ZNHIT1: variants seen among roughly 807,000 people sequenced by gnomAD.
ZNHIT1 encodes zinc finger HIT domain-containing protein 1.
ZNHIT1 carries 20 observed loss-of-function variants against 21.4 expected under a neutral mutation model. That is an observed-to-expected ratio of 0.93 (90% CI 0.66 to 1.36). The LOEUF (loss-of-function observed/expected upper bound fraction) is 1.36, where lower values mean the gene tolerates loss of function less well. ZNHIT1 is among the 40% of genes most tolerant of loss of function. ZNHIT1 has a pLI of 0.00. For synonymous variants in ZNHIT1, 79 were observed against 84.0 expected, an observed-to-expected ratio of 0.94 and a Z score of 0.32; for missense variants, 170 against 213.5, an observed-to-expected ratio of 0.80 and a Z score of 1.27.
chr7:101,222,570 A>G (rs1255523662), intron 1 of ZNHIT1, 34 bp from the exon 2 acceptor site: 2 of 1,584,370 alleles, frequency 1.3e-6, no homozygotes, highest in Non-Finnish European at 1.7e-6. Context: ...CTTTCTTGGA[A>G]GCCCTGTAAC....
chr7:101,221,817 G>A (rs868672761), intron 1 of ZNHIT1: 20 of 152,214 alleles, frequency 1.3e-4, no homozygotes, highest in African/African-American at 4.8e-4. Context: ...CCGCCACAGG[G>A]TGGACAGGGC....
Position 101,218,182 on chromosome 7 carries a change from G to C in ZNHIT1, c.-14G>C, listed in dbSNP as rs747695222. On this transcript the variant is annotated 5_prime_UTR_variant, in exon 1 of 5. Coordinates refer to ENST00000305105, the MANE Select transcript of ZNHIT1 (RefSeq NM_006349.3). ...GCGTGCGCAGCAGTTTCTTCCGACA[G>C]TTGTGTTGTGCCAATGGTGGAGAAG... 6.2e-7 allele frequency: 1 copy of C among 1,612,904 alleles called. No homozygotes were observed. The highest frequency in any genetic ancestry group is 1.1e-5 in the South Asian group (1 of 91,036).
At chr7:101,223,456 C>T (rs758491643) in intron 2 of ZNHIT1, 21 bp from the exon 3 acceptor site, 33 of 1,613,300 alleles carry the variant, frequency 2.0e-5, no homozygotes, top group Admixed American at 6.7e-5. Flanking sequence ...TGCCAAGCAA[C>T]GGATCACCCT....
chr7:101,221,147 T>G (rs540451947), intron 1 of ZNHIT1: 1 of 144,222 alleles, frequency 6.9e-6, no homozygotes, highest in South Asian at 2.3e-4. Context: ...AGAAGCAGAC[T>G]TGGATGGGAA....
In ZNHIT1 at chr7:101,223,932, T is replaced by C; in HGVS notation, c.444-5T>C. 1 of 1,614,210 alleles carries C rather than the reference T, an allele frequency of 6.2e-7. No individual in the cohort carries two copies. The highest frequency in any genetic ancestry group is 8.5e-7 in the Non-Finnish European group (1 of 1,180,020). ...CCCTCATCCTGGCTTCCCCTCTGTCTGCAGGTGTCTGAAGTGGACTGTGTG... is the reference window on the plus strand; with the variant it reads ...CCCTCATCCTGGCTTCCCCTCTGTCCGCAGGTGTCTGAAGTGGACTGTGTG... On this transcript the variant is annotated splice_region_variant and splice_polypyrimidine_tract_variant and intron_variant, in intron 4 of 4. Coordinates refer to ENST00000305105, the MANE Select transcript of ZNHIT1 (RefSeq NM_006349.3).
chr7:101,223,795 T>C lies in ZNHIT1; in HGVS notation c.396T>C (p.Gly132=), dbSNP rs1051155861. 1 of 1,614,166 alleles carries C rather than the reference T, an allele frequency of 6.2e-7. No individual in the cohort carries two copies. The highest frequency in any genetic ancestry group is 8.5e-7 in the Non-Finnish European group (1 of 1,180,014). The change falls in exon 4 of 5, where the codon GGT becomes GGC. Residue 132 remains glycine (G), a synonymous_variant. Coordinates refer to ENST00000305105, the MANE Select transcript of ZNHIT1 (RefSeq NM_006349.3). ...CCCCCTACACCTGTGTCAGCTGCGGTGCCCGGTACTGCACTGTGCGCTGTC... is the reference window on the plus strand; with the variant it reads ...CCCCCTACACCTGTGTCAGCTGCGGCGCCCGGTACTGCACTGTGCGCTGTC... ...FPSPYTCVSC[G]ARYCTVRCLG...
Position 101,222,710 on chromosome 7 carries a change from C to T in ZNHIT1, c.129C>T (p.Asp43=). 1.2e-6 allele frequency: 2 copies of T among 1,614,180 alleles called. No individual in the cohort carries two copies. The highest frequency in any genetic ancestry group is 1.7e-6 in the Non-Finnish European group (2 of 1,180,008). The change falls in exon 2 of 5, where the codon GAC becomes GAT. Residue 43 remains aspartate, a synonymous_variant. Transcript: ENST00000305105. ...EALENDNFQD[D]PHAGLPQLGK... is the part of the protein sequence containing the mutation. Reference sequence around the variant, plus strand: ...TGGAGAATGACAACTTCCAGGATGACCCCCACGCGGGACTCCCTCAGCTCG... The same window carrying T: ...TGGAGAATGACAACTTCCAGGATGATCCCCACGCGGGACTCCCTCAGCTCG...
At position 101,223,740 on chromosome 7, in the gene ZNHIT1, G is replaced by A. The variant is rs758030402; in HGVS notation, c.341G>A (p.Arg114His). ...GCGGGACCCCCATCGCGGCCCCAGC[G>A]CCCCTTCTGTGCTGTCTGTGGCTTC... ...ACAGPPSRPQ[R>H]PFCAVCGFPS... Residue 114 changes from arginine to histidine, a missense_variant, in exon 4 of 5, where the codon CGC becomes CAC. Physicochemically the swap from Arg to His is conservative, Grantham distance 29. Coordinates refer to ENST00000305105, the MANE Select transcript of ZNHIT1 (RefSeq NM_006349.3). 1.9e-6 allele frequency: 3 copies of A among 1,613,804 alleles called. No individual in the cohort carries two copies. In the African/African-American group the frequency reaches 4.0e-5, roughly 22 times the overall value.
chr7:101,218,575 C>T, intron 1 of ZNHIT1: 1 of 280,628 alleles, frequency 3.6e-6, no homozygotes. Context: ...CGCGCCCGGC[C>T]CCAGCTATTC....
intron 1 of ZNHIT1, chr7:101,221,790 G>C (rs575523169): frequency 6.6e-6 from 1 of 152,182 alleles, no homozygotes; most frequent in Non-Finnish European, 1.5e-5. Flanking sequence ...CTTTCTACTC[G>C]ATGAAGGTAG....
chr7:101,221,683 C>A (rs1285509126), intron 1 of ZNHIT1: 1 of 152,316 alleles, frequency 6.6e-6, no homozygotes, highest in African/African-American at 2.4e-5. Context: ...GGGCCAGCCA[C>A]CTCCATAGAG....
At chr7:101,221,133 CAGG>C (rs1562898760) in intron 1 of ZNHIT1, 1 of 150,320 alleles carries the variant, frequency 6.7e-6, no homozygotes. Flanking sequence ...AGAGAATCTG[CAGG>C]AGAAGCAGAC....
chr7:101,218,730 A>G (rs1798325649), intron 1 of ZNHIT1: 2 of 159,002 alleles, frequency 1.3e-5, no homozygotes, highest in Non-Finnish European at 2.8e-5. Flanking sequence ...GAAGGGGGGC[A>G]GAAACGCAGA....
intron 1 of ZNHIT1, chr7:101,220,578 G>A (rs1279128714): frequency 6.6e-6 from 1 of 152,162 alleles, no homozygotes; most frequent in Non-Finnish European, 1.5e-5. Flanking sequence ...AATGGTTCAA[G>A]TGTTGCAAAG....
chr7:101,220,363 C>G (rs530910523), intron 1 of ZNHIT1: 2 of 152,146 alleles, frequency 1.3e-5, no homozygotes, highest in African/African-American at 2.4e-5. Context: ...CTCAAACAAT[C>G]CACCCACCTT....
At position 101,223,409 on chromosome 7, in the gene ZNHIT1, T is replaced by C. The variant is rs553619879; in HGVS notation, c.194-68T>C. 1.6e-4 allele frequency: 249 copies of C among 1,554,182 alleles called. 3 individuals are homozygous for C. In the South Asian group the frequency reaches 2.7e-3, roughly 17 times the overall value. On this transcript the variant is annotated intron_variant, in intron 2 of 4. Transcript: ENST00000305105. ...CAGGAGGGCACATGGGCATGGGGAG[T>C]GATGAACCAGAGAAAGCTGCTGTCT...
rs755572321 is a variant in ZNHIT1 at position 101,218,187 on chromosome 7, G to T, written c.-9G>T. 6.2e-7 allele frequency: 1 copy of T among 1,613,318 alleles called. No individual in the cohort carries two copies. The highest frequency in any genetic ancestry group is 1.7e-5 in the Admixed American group (1 of 59,922). On this transcript the variant is annotated 5_prime_UTR_variant, in exon 1 of 5. Transcript: ENST00000305105. ...CGCAGCAGTTTCTTCCGACAGTTGTGTTGTGCCAATGGTGGAGAAGAAAAC... is the reference window on the plus strand; with the variant it reads ...CGCAGCAGTTTCTTCCGACAGTTGTTTTGTGCCAATGGTGGAGAAGAAAAC...
rs142012618 is a variant in ZNHIT1, at chr7:101,222,734, C to T, written c.153C>T (p.Leu51=). ...QDDPHAGLPQ[L]GKRLPQFDDD... ...ACCCCCACGCGGGACTCCCTCAGCT[C>T]GGCAAGAGACTGCCTCAGTTTGATG... The change falls in exon 2 of 5, where the codon CTC becomes CTT. Residue 51 remains leucine (L), a synonymous_variant. Coordinates refer to ENST00000305105, the MANE Select transcript of ZNHIT1 (RefSeq NM_006349.3). 1.0e-3 allele frequency: 1,611 copies of T among 1,614,128 alleles called. No individual in the cohort carries two copies. Among genetic ancestry groups the T allele is most frequent in the Non-Finnish European group, 1.2e-3 (1,389 of 1,179,988 alleles).
In ZNHIT1 at chr7:101,223,717, G is replaced by A. The variant is rs773654808; in HGVS notation, c.318G>A (p.Ala106=). 36 of 1,612,724 alleles carry A rather than the reference G, an allele frequency of 2.2e-5. No homozygotes were observed. Among genetic ancestry groups the A allele is most frequent in the Admixed American group, 6.7e-5 (4 of 59,852 alleles). Residue 106 remains alanine, a synonymous_variant, in exon 4 of 5, where the codon GCG becomes GCA. Transcript: ENST00000305105. The part of the protein sequence containing the change: ...AEGPNYLTAC[A]GPPSRPQRPF... The stretch of plus-strand genomic sequence containing the variant: ...GCCCTAACTACCTGACGGCCTGTGC[G>A]GGACCCCCATCGCGGCCCCAGCGCC...
Sources: allele counts gnomAD v4.1 joint callset, GRCh38; gene constraint gnomAD v4.1.1; transcripts MANE v1.5; gene names NCBI Gene and HGNC (gene_info 2026-07-23, HGNC 2026-07-21).